Variants in PLB1 observed in about 807,000 individuals in gnomAD.
PLB1 encodes phospholipase B1, membrane-associated.
In PLB1, 242 loss-of-function variants were observed where a neutral mutation model predicts 227.4. The ratio of observed to expected loss-of-function variants is 1.06; its 90% CI spans 0.96 to 1.18. The LOEUF is 1.18. Ranked by LOEUF, PLB1 falls within the 50% of genes most tolerant of loss-of-function variation. The probability of loss-of-function intolerance (pLI) is 0.00; values close to 1 mark genes in which losing one functional copy is unlikely to be tolerated. For synonymous variants in PLB1, 757 were observed against 682.2 expected (o/e 1.11, Z -1.71); for missense variants, 1,858 against 1,816.3 (o/e 1.02, Z -0.42).
chr2:28,499,974 A>C (rs1409858573), intron 1 of PLB1, among the ~76,000 whole-genome samples: 3 of 148,044 alleles, frequency 2.0e-5, no homozygotes, highest in Non-Finnish European at 3.0e-5. Context: ...AGATTAAGAA[A>C]CCTTTATTCC....
At chr2:28,629,987 TGCAGGGAACCCTGCTCTCTC>T (rs1688368938) in intron 53 of PLB1, among the ~76,000 whole-genome samples, 1 of 152,178 alleles carries the variant, frequency 6.6e-6, no homozygotes, top group African/African-American at 2.4e-5. Context: ...TTCCCATTTT[TGCAGGGAACCCTGCTCTCTC>T]GCAGGGAACG....
intron 56 of PLB1, among the ~76,000 whole-genome samples, chr2:28,634,164 C>T (rs1573588422): frequency 1.3e-5 from 2 of 152,224 alleles, no homozygotes; most frequent in Non-Finnish European, 2.9e-5. Context: ...AGGGGGTTTT[C>T]CTCCTGTGGA....
chr2:28,598,900 G>T, intron 35 of PLB1, 140 bp downstream of exon 35: 1 of 718,362 alleles, frequency 1.4e-6, no homozygotes, highest in Non-Finnish European at 2.5e-6. Flanking sequence ...CTTCCCTGCT[G>T]CCCCTGTGAC....
chr2:28,557,462 T>C (rs1675324462), intron 17 of PLB1, among the ~76,000 whole-genome samples: 1 of 152,142 alleles, frequency 6.6e-6, no homozygotes, highest in South Asian at 2.1e-4. Context: ...AGAAAGCATG[T>C]TTTTCAGATT....
chr2:28,532,011 A>G (rs1341631086), intron 8 of PLB1, 97 bp from the exon 9 acceptor site: 1 of 912,426 alleles, frequency 1.1e-6, no homozygotes, highest in Non-Finnish European at 1.7e-6. Flanking sequence ...TTTTTCAGGG[A>G]TGGGTGTATG....
chr2:28,562,945 T>C, intron 17 of PLB1, 96 bp from the exon 18 acceptor site: 1 of 1,232,198 alleles, frequency 8.1e-7, no homozygotes, highest in Non-Finnish European at 1.2e-6. Flanking sequence ...GACTTTTTCT[T>C]TGTTATCCTG....
chr2:28,498,156 G>A (rs950694143), intron 1 of PLB1, among the ~76,000 whole-genome samples: 6 of 151,434 alleles, frequency 4.0e-5, no homozygotes, highest in Non-Finnish European at 7.4e-5. Context: ...TACTTTTCTC[G>A]TTTAAGTCAA....
At position 28,584,253 on chromosome 2, in the gene PLB1, G is replaced by T. The variant is rs565719471; in HGVS notation, c.1734-1508G>T. ...CAGACTTGCTCTTGGAAGTTAAGGG[G>T]TACCTTTCCTGCTCCTCTGCAGATC... On this transcript the variant is annotated intron_variant, in intron 25 of 57. Coordinates refer to ENST00000327757, the MANE Select transcript of PLB1 (RefSeq NM_153021.5). Among the ~76,000 whole-genome samples, 24 of 152,322 alleles carry T rather than the reference G, an allele frequency of 1.6e-4. 1 individual carries two copies. The East Asian group carries it at 4.0e-3, about 26-fold the overall frequency.
intron 35 of PLB1, among the ~76,000 whole-genome samples, chr2:28,600,248 A>G (rs1357521015): frequency 1.3e-5 from 2 of 152,088 alleles, no homozygotes; most frequent in Non-Finnish European, 2.9e-5. Context: ...TGTAGAGCAC[A>G]TATGATTCCC....
chr2:28,529,001 G>A (rs1469251739), intron 6 of PLB1, among the ~76,000 whole-genome samples: 3 of 146,852 alleles, frequency 2.0e-5, no homozygotes, highest in African/African-American at 7.7e-5. Flanking sequence ...AGGCTGGAGT[G>A]CAGTGGCACA....
At chr2:28,628,142 G>A (rs918619807) in intron 51 of PLB1, among the ~76,000 whole-genome samples, 5 of 152,198 alleles carry the variant, frequency 3.3e-5, no homozygotes, top group African/African-American at 1.2e-4. Context: ...ACACAGGAGA[G>A]CAAAACATTT....
Position 28,529,727 on chromosome 2 carries a change from G to A in PLB1, c.417-1G>A, listed in dbSNP as rs1367348275. On this transcript the variant is annotated splice_acceptor_variant, in intron 7 of 57. Transcript: ENST00000327757. LOFTEE classifies it high-confidence loss of function. ...TTCTCTGTTTCCCTCCCTCTGCACA[G>A]AGACTTGTGGATTCAGGCTCAAGAA... is the stretch of plus-strand genomic sequence containing the variant. The A allele has an allele frequency of 6.2e-7, 1 of 1,614,046 alleles. No homozygotes were observed. Among genetic ancestry groups the A allele is most frequent in the Admixed American group, 1.7e-5 (1 of 60,018 alleles).
At chr2:28,566,662 A>G in intron 19 of PLB1, 134 bp from the exon 20 acceptor site, 1 of 926,144 alleles carries the variant, frequency 1.1e-6, no homozygotes, top group Non-Finnish European at 1.8e-6. Context: ...TTTCTACTGA[A>G]GTGATGGGGA....
Position 28,591,116 on chromosome 2 carries a change from C to G in PLB1, c.2089-17C>G. ...GAGCAGAATTTGCTGCCATTGCTCA[C>G]CCCCCTCTCCTCACAGGTCCAGCCG... On this transcript the variant is annotated splice_polypyrimidine_tract_variant and intron_variant, in intron 29 of 57. Transcript: ENST00000327757. The G allele has an allele frequency of 6.2e-7, 1 of 1,613,884 alleles. No homozygotes were observed. The highest frequency in any genetic ancestry group is 1.7e-5 in the Admixed American group (1 of 60,028).
intron 9 of PLB1, among the ~76,000 whole-genome samples, chr2:28,537,734 G>C (rs547341393): frequency 9.9e-4 from 150 of 151,110 alleles, no homozygotes; most frequent in African/African-American, 3.5e-3. Context: ...TTCATGACCT[G>C]CAGGAAGGGG....
rs554474039 is a variant in PLB1, at chr2:28,614,819, G to A, written c.3195+723G>A. Among the ~76,000 whole-genome samples the A allele has an allele frequency of 3.9e-5, 6 of 152,314 alleles. No individual in the cohort carries two copies. The South Asian group carries it at 1.2e-3, about 32-fold the overall frequency. ...TCGAACATGGTCCGGACCAAGGGAA[G>A]TGAGAGCCCAGTAGAATTTCACAAT... On this transcript the variant is annotated intron_variant, in intron 44 of 57. Transcript: ENST00000327757.
chr2:28,512,232 A>G (rs1572672268), intron 1 of PLB1, among the ~76,000 whole-genome samples: 1 of 152,058 alleles, frequency 6.6e-6, no homozygotes, highest in East Asian at 1.9e-4. Context: ...CTTTAAGTTT[A>G]CTGATCTTTT....
At chr2:28,623,880 T>C (rs1481497266) in intron 49 of PLB1, among the ~76,000 whole-genome samples, 3 of 152,182 alleles carry the variant, frequency 2.0e-5, no homozygotes, top group African/African-American at 7.2e-5. Flanking sequence ...GGTAGGCAGA[T>C]TGCCCAGGAG....
chr2:28,604,089 G>C (rs201165131), intron 40 of PLB1, 42 bp downstream of exon 40: 2 of 1,545,222 alleles, frequency 1.3e-6, no homozygotes, highest in Admixed American at 3.3e-5. Flanking sequence ...TCTCCCCTAC[G>C]TTCACTCTAA....
Sources: allele counts gnomAD v4.1 joint callset (sites outside exome capture counted in the v4.1 genomes callset), GRCh38; gene constraint gnomAD v4.1.1; transcripts MANE v1.5; gene names NCBI Gene and HGNC (gene_info 2026-07-23, HGNC 2026-07-21).